SYT9: variants seen among roughly 807,000 people sequenced by gnomAD.
SYT9 encodes synaptotagmin-9.
In SYT9, 22 loss-of-function variants were observed where a neutral mutation model predicts 48.4. That is an observed-to-expected ratio of 0.45 (90% CI 0.32 to 0.65). SYT9 has a LOEUF of 0.65. Among genes scored for constraint, SYT9 ranks in the 30% least tolerant of loss-of-function variants. SYT9 has a pLI of 0.03. For synonymous variants in SYT9, 265 were observed against 245.0 expected, an observed-to-expected ratio of 1.08 and a Z score of -0.76; for missense variants, 577 against 622.0, an observed-to-expected ratio of 0.93 and a Z score of 0.77.
intron 1 of SYT9, among the ~76,000 whole-genome samples, chr11:7,257,840 C>T (rs549654788): frequency 2.0e-4 from 30 of 152,108 alleles, no homozygotes; most frequent in Non-Finnish European, 2.9e-4. Context: ...TTCATCTCTG[C>T]GGGACTCCTC....
chr11:7,369,612 G>C (rs1199286662), intron 3 of SYT9, among the ~76,000 whole-genome samples: 1 of 151,892 alleles, frequency 6.6e-6, no homozygotes, highest in Non-Finnish European at 1.5e-5. Flanking sequence ...ATGGTTTTGG[G>C]TTTTACATTT....
intron 1 of SYT9, among the ~76,000 whole-genome samples, chr11:7,239,775 G>A (rs550795946): frequency 6.6e-6 from 1 of 152,132 alleles, no homozygotes; most frequent in Non-Finnish European, 1.5e-5. Context: ...GGAGGGAGAA[G>A]GGAAAAAACA....
At chr11:7,285,925 C>G (rs941789101) in intron 1 of SYT9, among the ~76,000 whole-genome samples, 3 of 152,240 alleles carry the variant, frequency 2.0e-5, no homozygotes, top group Non-Finnish European at 4.4e-5. Flanking sequence ...ATTCCCACAG[C>G]CTTGGGAGCT....
At chr11:7,281,398 T>C (rs1278275635) in intron 1 of SYT9, among the ~76,000 whole-genome samples, 2 of 152,244 alleles carry the variant, frequency 1.3e-5, no homozygotes, top group Admixed American at 6.5e-5. Context: ...CCTCTCATGT[T>C]GCATCCTACT....
intron 3 of SYT9, among the ~76,000 whole-genome samples, chr11:7,373,685 A>C (rs67967486): frequency 0.28 from 42,663 of 151,950 alleles, 6,259 homozygotes; most frequent in African/African-American, 0.32. Context: ...CCCATATCCC[A>C]CCAGTTTCAA....
intron 1 of SYT9, among the ~76,000 whole-genome samples, chr11:7,297,766 C>T (rs1216365635): frequency 1.3e-5 from 2 of 152,160 alleles, no homozygotes; most frequent in African/African-American, 2.4e-5. Context: ...TGAAAGATGA[C>T]TTTTTCAGCC....
intron 3 of SYT9, among the ~76,000 whole-genome samples, chr11:7,336,964 C>A (rs1293483754): frequency 6.6e-6 from 1 of 152,090 alleles, no homozygotes; most frequent in Non-Finnish European, 1.5e-5. Flanking sequence ...AATATTGATT[C>A]TTCTGATCCA....
At chr11:7,266,538 G>T (rs148272647) in intron 1 of SYT9, among the ~76,000 whole-genome samples, 38 of 152,210 alleles carry the variant, frequency 2.5e-4, no homozygotes, top group African/African-American at 9.1e-4. Context: ...AGTTAGAGAG[G>T]ATCCACTCTG....
In SYT9 at chr11:7,386,842, T is replaced by C. The variant is rs528027711; in HGVS notation, c.1045-29200T>C. ...TAAATCATGCTGCTGTAAAGACACA[T>C]GTACACGTATGTTTATTGCGGCACT... is the stretch of plus-strand genomic sequence containing the variant. On this transcript the variant is annotated intron_variant, in intron 3 of 6. Coordinates refer to ENST00000318881, the MANE Select transcript of SYT9 (RefSeq NM_175733.4). 2.0e-5 allele frequency among the ~76,000 whole-genome samples: 3 copies of C among 152,316 alleles called. No individual in the cohort carries two copies. In the South Asian group the frequency reaches 6.2e-4, roughly 32 times the overall value.
At chr11:7,293,037 A>G (rs531051127) in intron 1 of SYT9, among the ~76,000 whole-genome samples, 1 of 152,228 alleles carries the variant, frequency 6.6e-6, no homozygotes, top group Admixed American at 6.5e-5. Context: ...TAGCTTCAGC[A>G]CCCCTGCCCC....
In SYT9 at chr11:7,252,295, C is replaced by G. The variant is rs146068689; in HGVS notation, c.109C>G (p.Leu37Val). 59 of 1,511,986 alleles carry G rather than the reference C, an allele frequency of 3.9e-5. No individual in the cohort carries two copies. Among genetic ancestry groups the G allele is most frequent in the Non-Finnish European group, 4.5e-5 (51 of 1,129,814 alleles). The allele number at this position is 1,511,986 out of a possible 1,614,324, so 93.7% of individuals were successfully genotyped here. ...HDSCQDFIYHLRDRARPRLRD... is the reference protein window; with the variant it reads ...HDSCQDFIYHVRDRARPRLRD... ...CAGCTGCCAGGATTTCATTTACCAC[C>G]TGCGGGACCGTGCCAGACCCCGGCT... Residue 37 changes from leucine to valine, a missense_variant, in exon 1 of 7, where the codon CTG (leucine) becomes GTG (valine). Transcript: ENST00000318881. The surrounding 1 kb of genome is among the most constrained non-coding windows in gnomAD (Gnocchi z 6.3).
intron 1 of SYT9, among the ~76,000 whole-genome samples, chr11:7,299,130 A>G (rs1301654595): frequency 6.6e-6 from 1 of 152,232 alleles, no homozygotes; most frequent in Non-Finnish European, 1.5e-5. Context: ...TGACAATAAT[A>G]TATCTCATGA....
At chr11:7,409,113 G>T (rs867630749) in intron 3 of SYT9, among the ~76,000 whole-genome samples, 14 of 152,146 alleles carry the variant, frequency 9.2e-5, no homozygotes, top group African/African-American at 3.4e-4. Context: ...ATCATGAAGG[G>T]ATGGTGTATT....
chr11:7,411,058 T>G (rs1396925502), intron 3 of SYT9, among the ~76,000 whole-genome samples: 1 of 152,208 alleles, frequency 6.6e-6, no homozygotes, highest in Non-Finnish European at 1.5e-5. Context: ...TTTCACCATG[T>G]TGGCCAGGCT....
chr11:7,346,806 C>T (rs778108817), intron 3 of SYT9, among the ~76,000 whole-genome samples: 1 of 152,226 alleles, frequency 6.6e-6, no homozygotes, highest in Non-Finnish European at 1.5e-5. Context: ...GATACAAAGT[C>T]ACCTATAGTC....
chr11:7,441,368 T>G lies in SYT9; in HGVS notation c.1467+20733T>G, dbSNP rs372126502. 1.2e-4 allele frequency: 18 copies of G among 152,358 alleles called. No individual in the cohort carries two copies. The East Asian group carries it at 2.9e-3, about 24-fold the overall frequency. 9.4% of individuals were successfully genotyped at this position (152,358 alleles called of 1,614,324 possible). A position where few individuals can be genotyped will look rare whatever the true frequency, so the allele number is the denominator to read the frequency against. The stretch of plus-strand genomic sequence containing the variant: ...GAGGAGATGTTTCCTGGAAGTCTTC[T>G]TTGGTTAAAGACAAAGTGAAAACTT... On this transcript the variant is annotated intron_variant, in intron 6 of 6. Coordinates refer to ENST00000318881, the MANE Select transcript of SYT9 (RefSeq NM_175733.4).
chr11:7,251,139 G>A (rs540157321), upstream of SYT9, among the ~76,000 whole-genome samples: 207 of 126,720 alleles, frequency 1.6e-3, 3 homozygotes, highest in Non-Finnish European at 2.6e-3. Context: ...CACACCCAGA[G>A]TACTTCGTGG....
intron 6 of SYT9, among the ~76,000 whole-genome samples, chr11:7,432,573 AAAAAAAAAAATATATATACATAT>A (rs1564901969): frequency 9.4e-4 from 12 of 12,828 alleles, no homozygotes; most frequent in African/African-American, 4.6e-3. Flanking sequence ...AAAAAAAAAA[AAAAAAAAAAATATATATACATAT>A]ATATATATAT....
chr11:7,350,701 T>C (rs1259897562), intron 3 of SYT9, among the ~76,000 whole-genome samples: 2 of 152,152 alleles, frequency 1.3e-5, no homozygotes, highest in Non-Finnish European at 2.9e-5. Context: ...CTGCCACAGC[T>C]CCTTCTTTGG....
Sources: allele counts gnomAD v4.1 joint callset (sites outside exome capture counted in the v4.1 genomes callset), GRCh38; gene constraint gnomAD v4.1.1; non-coding constraint Gnocchi (gnomAD v3.1); transcripts MANE v1.5; gene names NCBI Gene and HGNC (gene_info 2026-07-23, HGNC 2026-07-21).